KCNK2: variants seen among roughly 807,000 people sequenced by gnomAD.
KCNK2 encodes the protein potassium two pore domain channel subfamily K member 2.
In KCNK2, 21 loss-of-function variants were observed where a neutral mutation model predicts 40.5. The observed-to-expected ratio is 0.52, with a 90% CI of 0.37 to 0.75. The LOEUF (loss-of-function observed/expected upper bound fraction) is 0.75, where lower values mean the gene tolerates loss of function less well. Among genes scored for constraint, KCNK2 ranks in the 30% least tolerant of loss-of-function variants. The pLI is 0.00. For synonymous variants in KCNK2, 191 were observed against 202.2 expected, an observed-to-expected ratio of 0.94 and a Z score of 0.47; for missense variants, 399 against 531.6, an observed-to-expected ratio of 0.75 and a Z score of 2.45.
chr1:215,197,906 G>C (rs917639128), intron 6 of KCNK2, among the ~76,000 whole-genome samples: 6 of 152,096 alleles, frequency 3.9e-5, no homozygotes. Flanking sequence ...GAGTGAGGCA[G>C]GGGAATCCTT....
chr1:215,129,929 G>T (rs892365191), intron 3 of KCNK2, among the ~76,000 whole-genome samples: 1 of 152,156 alleles, frequency 6.6e-6, no homozygotes, highest in Admixed American at 6.5e-5. Context: ...TTTGACCCAG[G>T]TTCTTGGCCC....
At chr1:215,109,886 A>AT (rs1383394729) in intron 2 of KCNK2, among the ~76,000 whole-genome samples, 2 of 151,870 alleles carry the variant, frequency 1.3e-5, no homozygotes, top group Admixed American at 6.6e-5. Flanking sequence ...AACATCTGTT[A>AT]TTTTTTATCT....
intron 1 of KCNK2, among the ~76,000 whole-genome samples, chr1:215,033,204 CTT>C (rs35027891): frequency 0.8 from 113,738 of 141,570 alleles, 46,019 homozygotes; most frequent in East Asian, 0.98. Flanking sequence ...AGTTTCTTTT[CTT>C]TTTTTTTTTT....
intron 6 of KCNK2, among the ~76,000 whole-genome samples, chr1:215,205,652 A>G (rs1265828018): frequency 1.3e-5 from 2 of 152,148 alleles, no homozygotes; most frequent in African/African-American, 4.8e-5. Flanking sequence ...CTGAGTAACT[A>G]CAATGAGCAG....
chr1:215,014,925 A>G (rs1656533273), intron 1 of KCNK2, among the ~76,000 whole-genome samples: 1 of 152,186 alleles, frequency 6.6e-6, no homozygotes, highest in Non-Finnish European at 1.5e-5. Context: ...GATGTCAAAT[A>G]TAAGAATATT....
intron 6 of KCNK2, among the ~76,000 whole-genome samples, chr1:215,207,645 A>G (rs1159878104): frequency 6.6e-6 from 1 of 152,234 alleles, no homozygotes; most frequent in Non-Finnish European, 1.5e-5. Context: ...AGTCACTTTC[A>G]TAATGAAGGA....
Position 215,236,452 on chromosome 1 carries a change from G to A in KCNK2, c.*1307G>A, listed in dbSNP as rs1373887199. ...GCACATGGAAAAATGCAGATTGCAGGCATAATTCATCTCTGACATTAGAGA... is the reference window on the plus strand; with the variant it reads ...GCACATGGAAAAATGCAGATTGCAGACATAATTCATCTCTGACATTAGAGA... On this transcript the variant is annotated 3_prime_UTR_variant, in exon 7 of 7. Transcript: ENST00000444842. 1 of 152,496 alleles carries A rather than the reference G, an allele frequency of 6.6e-6. No individual in the cohort carries two copies. Among genetic ancestry groups the A allele is most frequent in the Non-Finnish European group, 1.5e-5 (1 of 68,010 alleles). 9.4% of individuals were successfully genotyped at this position (152,496 alleles called of 1,614,324 possible). A position where few individuals can be genotyped will look rare whatever the true frequency, so the allele number is the denominator to read the frequency against.
At chr1:215,115,358 C>A (rs1660885960) in intron 2 of KCNK2, among the ~76,000 whole-genome samples, 2 of 152,096 alleles carry the variant, frequency 1.3e-5, no homozygotes, top group South Asian at 4.1e-4. Context: ...AATTTAGGAA[C>A]CCTATGGATG....
chr1:215,120,126 C>T (rs1486405393), intron 2 of KCNK2, among the ~76,000 whole-genome samples: 1 of 152,142 alleles, frequency 6.6e-6, no homozygotes, highest in Admixed American at 6.5e-5. Context: ...TGATTTACAA[C>T]CCACATGTTG....
intron 2 of KCNK2, among the ~76,000 whole-genome samples, chr1:215,113,733 T>G (rs1290907267): frequency 6.6e-6 from 1 of 152,178 alleles, no homozygotes; most frequent in Non-Finnish European, 1.5e-5. Flanking sequence ...TTAGCTGGAA[T>G]TACAGGTGTG....
At chr1:215,055,184 T>C (rs933327863) in intron 1 of KCNK2, among the ~76,000 whole-genome samples, 26 of 152,220 alleles carry the variant, frequency 1.7e-4, no homozygotes, top group Non-Finnish European at 2.5e-4. Context: ...TATACCTGGG[T>C]ACACCTCAAA....
chr1:215,204,451 T>C (rs1303566185), intron 6 of KCNK2, among the ~76,000 whole-genome samples: 1 of 152,090 alleles, frequency 6.6e-6, no homozygotes, highest in Admixed American at 6.5e-5. Context: ...TTATAAGTAA[T>C]TTCATTTTCT....
intron 5 of KCNK2, among the ~76,000 whole-genome samples, chr1:215,189,492 A>T (rs1664578570): frequency 6.6e-6 from 1 of 152,286 alleles, no homozygotes; most frequent in African/African-American, 2.4e-5. Context: ...TTTCTTTATG[A>T]TCATGAGACT....
intron 1 of KCNK2, among the ~76,000 whole-genome samples, chr1:215,061,300 T>C (rs1658353391): frequency 6.6e-6 from 1 of 152,114 alleles, no homozygotes; most frequent in African/African-American, 2.4e-5. Flanking sequence ...AAGCATCTGC[T>C]TTCAGCTTTC....
At chr1:215,041,828 A>C (rs927591314) in intron 1 of KCNK2, among the ~76,000 whole-genome samples, 1 of 152,172 alleles carries the variant, frequency 6.6e-6, no homozygotes. Context: ...TGGATACTGC[A>C]TTAGTCCATT....
At chr1:215,085,499 T>G (rs1028666035) in intron 1 of KCNK2, among the ~76,000 whole-genome samples, 3 of 152,232 alleles carry the variant, frequency 2.0e-5, no homozygotes, top group African/African-American at 7.2e-5. Flanking sequence ...TATGGCAATT[T>G]GTTAGGGAAC....
chr1:215,210,139 T>C (rs2102687656), intron 6 of KCNK2, among the ~76,000 whole-genome samples: 1 of 128,864 alleles, frequency 7.8e-6, no homozygotes, highest in African/African-American at 2.9e-5. Context: ...ACACTATAAA[T>C]ATATAGTACA....
At chr1:215,182,748 C>T (rs866575463) in intron 5 of KCNK2, among the ~76,000 whole-genome samples, 2 of 152,208 alleles carry the variant, frequency 1.3e-5, no homozygotes, top group African/African-American at 2.4e-5. Context: ...TGGGTCACCA[C>T]ATAATTGTTG....
intron 6 of KCNK2, among the ~76,000 whole-genome samples, chr1:215,230,513 A>ATATATATATATATATATATATATGTG (rs1571757162): frequency 3.5e-5 from 1 of 28,386 alleles, no homozygotes; most frequent in South Asian, 3.0e-3. Context: ...GGCTGTATAT[A>ATATATATATATATATATATATATGTG]TATATATATA....
Sources: allele counts gnomAD v4.1 joint callset (sites outside exome capture counted in the v4.1 genomes callset), GRCh38; gene constraint gnomAD v4.1.1; transcripts MANE v1.5; gene names NCBI Gene and HGNC (gene_info 2026-07-23, HGNC 2026-07-21).